PPP2R3A: variants seen among roughly 807,000 people sequenced by gnomAD.
PPP2R3A encodes the protein protein phosphatase 2 regulatory subunit B''alpha, also known as serine/threonine-protein phosphatase 2A regulatory subunit B'' subunit alpha.
Under a neutral mutation model 106.9 loss-of-function variants are expected in PPP2R3A, and 80 were observed. That is an observed-to-expected ratio of 0.75 (90% CI 0.62 to 0.90). The LOEUF (loss-of-function observed/expected upper bound fraction) is 0.90. Ranked by LOEUF, PPP2R3A falls within the 40% of genes least tolerant of loss-of-function variation. PPP2R3A has a pLI of 0.00. For synonymous variants in PPP2R3A, 483 were observed against 468.3 expected (o/e 1.03, Z -0.41); for missense variants, 1,386 against 1,350.4 (o/e 1.03, Z -0.41).
intron 1 of PPP2R3A, among the ~76,000 whole-genome samples, chr3:135,977,272 T>A (rs1443730000): frequency 6.6e-6 from 1 of 152,208 alleles, no homozygotes; most frequent in African/African-American, 2.4e-5. Flanking sequence ...ATTTTCTAAT[T>A]GATGTGAAAT....
At chr3:135,979,104 C>A (rs561570189) in intron 1 of PPP2R3A, among the ~76,000 whole-genome samples, 2 of 151,676 alleles carry the variant, frequency 1.3e-5, no homozygotes, top group Non-Finnish European at 2.9e-5. Flanking sequence ...TTTGGCCAGG[C>A]GTGGTGGCTC....
intron 8 of PPP2R3A, among the ~76,000 whole-genome samples, chr3:136,087,136 G>A (rs552929801): frequency 6.6e-5 from 10 of 152,086 alleles, no homozygotes; most frequent in East Asian, 3.9e-4. Context: ...TCCGGGAGGC[G>A]GAGGTTGCAG....
intron 13 of PPP2R3A, among the ~76,000 whole-genome samples, chr3:136,136,539 G>C (rs1315711622): frequency 2.0e-5 from 3 of 151,996 alleles, no homozygotes; most frequent in Non-Finnish European, 4.4e-5. Flanking sequence ...GTATATTAAT[G>C]CTAAAAAAAA....
intron 6 of PPP2R3A, among the ~76,000 whole-genome samples, chr3:136,076,194 T>G (rs1353789231): frequency 6.6e-6 from 1 of 152,258 alleles, no homozygotes; most frequent in East Asian, 1.9e-4. Context: ...CTTCCTTATA[T>G]TGAAGCATTT....
At chr3:136,111,755 TTA>T in intron 13 of PPP2R3A, among the ~76,000 whole-genome samples, 1 of 152,038 alleles carries the variant, frequency 6.6e-6, no homozygotes, top group Non-Finnish European at 1.5e-5. Context: ...CCTGCTGAAA[TTA>T]TTTCAAAAAA....
intron 3 of PPP2R3A, among the ~76,000 whole-genome samples, chr3:136,031,829 T>G (rs868084184): frequency 1.3e-5 from 2 of 152,350 alleles, no homozygotes; most frequent in South Asian, 2.1e-4. Flanking sequence ...TTGGGCTTTA[T>G]CTCTGTGTTC....
chr3:136,026,466 A>G (rs1467308952), intron 2 of PPP2R3A, among the ~76,000 whole-genome samples: 6 of 152,166 alleles, frequency 3.9e-5, no homozygotes, highest in Admixed American at 3.9e-4. Flanking sequence ...AAGACCAAGA[A>G]CTGTCTTCAA....
intron 13 of PPP2R3A, among the ~76,000 whole-genome samples, chr3:136,141,182 G>A (rs1187481452): frequency 1.3e-5 from 2 of 152,184 alleles, no homozygotes; most frequent in Admixed American, 1.3e-4. Context: ...ACCAGTAATG[G>A]ACAAGGAGTT....
At chr3:136,125,790 ATAAC>A (rs1396412484) in intron 13 of PPP2R3A, among the ~76,000 whole-genome samples, 3 of 152,246 alleles carry the variant, frequency 2.0e-5, no homozygotes, top group African/African-American at 7.2e-5. Context: ...ATTATATACC[ATAAC>A]TAAGTGCAGT....
At chr3:136,144,932 C>A in intron 13 of PPP2R3A, 111 bp from the exon 14 acceptor site, 1 of 1,231,048 alleles carries the variant, frequency 8.1e-7, no homozygotes, top group Non-Finnish European at 1.1e-6. Flanking sequence ...CTCCATTTAG[C>A]AATTCAAGGT....
intron 13 of PPP2R3A, among the ~76,000 whole-genome samples, chr3:136,111,316 G>T (rs1326253755): frequency 6.6e-6 from 1 of 151,954 alleles, no homozygotes; most frequent in African/African-American, 2.4e-5. Flanking sequence ...TCCAACAATG[G>T]TTAAAGTATG....
intron 4 of PPP2R3A, among the ~76,000 whole-genome samples, chr3:136,043,263 TC>T (rs1483862199): frequency 6.6e-6 from 1 of 152,026 alleles, no homozygotes; most frequent in African/African-American, 2.4e-5. Flanking sequence ...ATCGAGACCA[TC>T]CTGGCTAACA....
rs189695527 is a variant in PPP2R3A, at chr3:136,129,309, A to G, written c.3330-15734A>G. ...AAGAAAGGAGAGAAGAATCAAATAG[A>G]TGCAATAAAAAATGATAAAGGGGAT... On this transcript the variant is annotated intron_variant, in intron 13 of 13. Transcript: ENST00000264977. Among the ~76,000 whole-genome samples the G allele has an allele frequency of 1.8e-4, 28 of 152,306 alleles. No individual in the cohort carries two copies. The East Asian group carries it at 5.4e-3, about 29-fold the overall frequency.
At chr3:136,138,726 T>C (rs1287778770) in intron 13 of PPP2R3A, among the ~76,000 whole-genome samples, 3 of 102,606 alleles carry the variant, frequency 2.9e-5, no homozygotes, top group African/African-American at 1.2e-4. Flanking sequence ...TTTTTTTTTT[T>C]TTTTGAGACA....
intron 10 of PPP2R3A, among the ~76,000 whole-genome samples, chr3:136,092,918 C>T (rs964986100): frequency 6.6e-6 from 1 of 152,134 alleles, no homozygotes; most frequent in African/African-American, 2.4e-5. Context: ...CCAACCTTAC[C>T]TTTGGACCCC....
At position 136,146,935 on chromosome 3, in the gene PPP2R3A, T is replaced by C. The variant is rs1337704492; in HGVS notation, c.*1769T>C. The C allele has an allele frequency of 6.6e-6, 1 of 152,124 alleles. No homozygotes were observed. The allele number at this position is 152,124 out of a possible 1,614,324, so 9.4% of individuals were successfully genotyped here. A position where few individuals can be genotyped will look rare whatever the true frequency, so the allele number is the denominator to read the frequency against. ...AAATGTTTTATTATCCATAATGATCTAAACTAATAAGATTCACCAAAAAGT... is the reference window on the plus strand; with the variant it reads ...AAATGTTTTATTATCCATAATGATCCAAACTAATAAGATTCACCAAAAAGT... On this transcript the variant is annotated 3_prime_UTR_variant, in exon 14 of 14. Transcript: ENST00000264977.
intron 13 of PPP2R3A, among the ~76,000 whole-genome samples, chr3:136,134,647 T>A (rs1938538347): frequency 6.6e-6 from 1 of 152,204 alleles, no homozygotes. Context: ...TCATTAACTC[T>A]GGGCTGTGGA....
intron 13 of PPP2R3A, chr3:136,106,951 A>AAAAAAAAAAAC (rs1559924142): frequency 5.7e-5 from 7 of 123,498 alleles, no homozygotes; most frequent in Admixed American, 8.6e-5. Context: ...AAAAAAAAAA[A>AAAAAAAAAAAC]AAACTAAAGC....
At position 135,997,541 on chromosome 3, in the gene PPP2R3A, T is replaced by C. The variant is rs533335416; in HGVS notation, c.-440-3518T>C. Among the ~76,000 whole-genome samples the C allele has an allele frequency of 2.0e-5, 3 of 152,314 alleles. No homozygotes were observed. In the South Asian group the frequency reaches 6.2e-4, roughly 32 times the overall value. ...AGAGCTGCGTCTCCAACCCAGATCT[T>C]TCTGCTGACCTCCAGGTTTTTGTGT... is the stretch of plus-strand genomic sequence containing the variant. On this transcript the variant is annotated intron_variant, in intron 1 of 13. Transcript: ENST00000264977.
Sources: gnomAD v4.1 joint callset for allele counts (sites outside exome capture counted in the v4.1 genomes callset) on GRCh38, gnomAD v4.1.1 for gene constraint, MANE v1.5 for transcripts, NCBI Gene and HGNC (gene_info 2026-07-23, HGNC 2026-07-21) for gene names.